Variants in CPEB2 observed in about 807,000 individuals in gnomAD.
CPEB2 encodes cytoplasmic polyadenylation element-binding protein 2.
In CPEB2, 56 loss-of-function variants were observed where a neutral mutation model predicts 93.6. The observed-to-expected ratio is 0.60, with a 90% CI of 0.48 to 0.75. CPEB2 has a LOEUF of 0.75. Ranked by LOEUF, CPEB2 falls within the 30% of genes least tolerant of loss-of-function variation. The probability of loss-of-function intolerance (pLI) is 0.00; values close to 1 mark genes in which losing one functional copy is unlikely to be tolerated. For synonymous variants in CPEB2, 764 were observed against 586.3 expected (o/e 1.30, Z -4.38); for missense variants, 1,579 against 1,395.1 (o/e 1.13, Z -2.10).
At chr4:15,009,541 G>C (rs561202624) in intron 3 of CPEB2, among the ~76,000 whole-genome samples, 2 of 152,104 alleles carry the variant, frequency 1.3e-5, no homozygotes, top group Non-Finnish European at 1.5e-5. Context: ...CGTTTTTATG[G>C]TAGCATTTTT....
chr4:15,057,723 A>T (rs1224469243), intron 8 of CPEB2, among the ~76,000 whole-genome samples: 1 of 152,170 alleles, frequency 6.6e-6, no homozygotes, highest in African/African-American at 2.4e-5. Context: ...AGTTTGAAAA[A>T]TGTATTCCAC....
Position 15,068,187 on chromosome 4 carries a change from G to A in CPEB2, c.*1807G>A, listed in dbSNP as rs1298451984. 6 of 152,290 alleles carry A rather than the reference G, an allele frequency of 3.9e-5. No homozygotes were observed. Among genetic ancestry groups the A allele is most frequent in the Non-Finnish European group, 8.8e-5 (6 of 67,872 alleles). The allele number at this position is 152,290 out of a possible 1,614,324, so 9.4% of individuals were successfully genotyped here. A position where few individuals can be genotyped will look rare whatever the true frequency, so the allele number is the denominator to read the frequency against. On this transcript the variant is annotated 3_prime_UTR_variant, in exon 12 of 12. Coordinates refer to ENST00000538197, the MANE Select transcript of CPEB2 (RefSeq NM_001177382.2). Reference sequence around the variant, plus strand: ...ACCCTTGGGACAATCCTTCATGTGAGCAAAGTGTTGATCTTAATATTGGTT... The same window carrying A: ...ACCCTTGGGACAATCCTTCATGTGAACAAAGTGTTGATCTTAATATTGGTT...
rs1722374844 is a variant in CPEB2, at chr4:15,003,843, G to A, written c.1170G>A (p.Pro390=). 6.8e-6 allele frequency: 6 copies of A among 881,790 alleles called. No individual in the cohort carries two copies. The highest frequency in any genetic ancestry group is 3.4e-5 in the Admixed American group (1 of 29,648). 54.6% of individuals were successfully genotyped at this position (881,790 alleles called of 1,614,324 possible). ...GTPWSVQTAS[P]PPQPQQPPPT... is the part of the protein sequence containing the mutation. ...CCTGGTCGGTGCAGACCGCGTCGCC[G>A]CCACCCCAGCCCCAGCAGCCGCCGC... Residue 390 remains proline, a synonymous_variant, in exon 1 of 12, where the codon CCG becomes CCA. Coordinates refer to ENST00000538197, the MANE Select transcript of CPEB2 (RefSeq NM_001177382.2).
At chr4:15,005,976 T>C (rs1722762414) in intron 1 of CPEB2, among the ~76,000 whole-genome samples, 1 of 152,184 alleles carries the variant, frequency 6.6e-6, no homozygotes, top group African/African-American at 2.4e-5. Context: ...GAAGAACATA[T>C]ACCATGATCC....
At chr4:15,024,467 G>A (rs1371986043) in intron 4 of CPEB2, among the ~76,000 whole-genome samples, 1 of 152,028 alleles carries the variant, frequency 6.6e-6, no homozygotes, top group Admixed American at 6.5e-5. Flanking sequence ...TTTAAGTGTG[G>A]CATCATTCTG....
At chr4:15,024,531 T>C (rs2109008426) in intron 4 of CPEB2, among the ~76,000 whole-genome samples, 1 of 152,214 alleles carries the variant, frequency 6.6e-6, no homozygotes, top group Non-Finnish European at 1.5e-5. Flanking sequence ...TTTTTGTTGT[T>C]TTTCTTTCTG....
chr4:15,056,545 T>G (rs924148053), intron 8 of CPEB2, among the ~76,000 whole-genome samples: 7 of 152,354 alleles, frequency 4.6e-5, no homozygotes, highest in Admixed American at 3.9e-4. Context: ...ATCATAGTTT[T>G]TTTGGTACAA....
chr4:15,009,207 A>G (rs185656291), intron 3 of CPEB2, among the ~76,000 whole-genome samples: 2 of 152,238 alleles, frequency 1.3e-5, no homozygotes, highest in East Asian at 1.9e-4. Flanking sequence ...TGTGTGTGTT[A>G]TATGAATGGA....
At chr4:15,040,291 C>A (rs1219267026) in intron 5 of CPEB2, among the ~76,000 whole-genome samples, 173 bp from the exon 6 acceptor site, 2 of 151,976 alleles carry the variant, frequency 1.3e-5, no homozygotes, top group African/African-American at 4.8e-5. Context: ...AATAAAAGTC[C>A]TTTGTAGAAT....
Position 15,003,637 on chromosome 4 carries a change from C to G in CPEB2, c.964C>G (p.Leu322Val). The change falls in exon 1 of 12, where the codon CTC becomes GTC. Residue 322 changes from leucine to valine, a missense_variant. Around this residue, in one of 2 missense-constraint regions of CPEB2, gnomAD observed 1,411 missense variants for 1,056.0 expected, o/e 1.34. Coordinates refer to ENST00000538197, the MANE Select transcript of CPEB2 (RefSeq NM_001177382.2). ...GSMESPNHPL[L>V]NSPSNLLPGG... ...CATGGAGTCCCCCAACCACCCTCTG[C>G]TCAACAGTCCCAGTAACCTCCTGCC... The G allele has an allele frequency of 6.7e-7, 1 of 1,482,076 alleles. No homozygotes were observed. Among genetic ancestry groups the G allele is most frequent in the Non-Finnish European group, 8.9e-7 (1 of 1,120,736 alleles). The allele number at this position is 1,482,076 out of a possible 1,614,324, so 91.8% of individuals were successfully genotyped here. A position where few individuals can be genotyped will look rare whatever the true frequency, so the allele number is the denominator to read the frequency against.
In CPEB2 at chr4:15,003,907, C is replaced by A; in HGVS notation, c.1234C>A (p.Pro412Thr). The change falls in exon 1 of 12, where the codon CCG becomes ACG. Residue 412 changes from proline to threonine, a missense_variant. This residue lies in a region of CPEB2 where 1,411 missense variants were observed against 1,056.0 expected (regional missense o/e 1.34). Transcript: ENST00000538197. ...GCAGCAGCCGCCGCCACCCCAGCAG[C>A]CGCCCCAGCCGCAGCCGCAGCCGCC... ...PQQQPPPPQQ[P>T]PQPQPQPPGS... 1.0e-6 allele frequency: 1 copy of A among 963,514 alleles called. No homozygotes were observed. Among genetic ancestry groups the A allele is most frequent in the Non-Finnish European group, 1.3e-6 (1 of 742,704 alleles). 59.7% of individuals were successfully genotyped at this position (963,514 alleles called of 1,614,324 possible).
rs1722265632 is a variant in CPEB2 at position 15,003,396 on chromosome 4, G to A, written c.723G>A (p.Gln241=). ...CGCAGCAGTTCAGCCTCCTGCATCA[G>A]CAGCACCTCTCGCCGCAGGACTTCG... ...QPPQQFSLLH[Q]QHLSPQDFAP... is the part of the protein sequence containing the mutation. The change falls in exon 1 of 12, where the codon CAG becomes CAA. Residue 241 remains glutamine (Q), a synonymous_variant. Transcript: ENST00000538197. The A allele has an allele frequency of 1.5e-6, 2 of 1,370,560 alleles. No individual in the cohort carries two copies. The highest frequency in any genetic ancestry group is 1.5e-5 in the African/African-American group (1 of 65,280). 84.9% of individuals were successfully genotyped at this position (1,370,560 alleles called of 1,614,324 possible).
chr4:15,014,484 G>A (rs1455887163), intron 3 of CPEB2, among the ~76,000 whole-genome samples: 3 of 151,876 alleles, frequency 2.0e-5, no homozygotes, highest in African/African-American at 7.2e-5. Context: ...CAGTATTGTG[G>A]TACTTAATCT....
intron 6 of CPEB2, among the ~76,000 whole-genome samples, chr4:15,044,179 G>C (rs888701336): frequency 6.6e-6 from 1 of 152,154 alleles, no homozygotes; most frequent in African/African-American, 2.4e-5. Context: ...ACCATGGCCC[G>C]CAGGCCAAGG....
intron 5 of CPEB2, among the ~76,000 whole-genome samples, chr4:15,039,359 T>C (rs893610852): frequency 6.6e-6 from 1 of 152,212 alleles, no homozygotes; most frequent in Non-Finnish European, 1.5e-5. Flanking sequence ...TATTTCATAA[T>C]GTGAAATGTT....
At chr4:15,057,540 A>T (rs1728829096) in intron 8 of CPEB2, among the ~76,000 whole-genome samples, 1 of 152,296 alleles carries the variant, frequency 6.6e-6, no homozygotes, top group Middle Eastern at 3.4e-3. Flanking sequence ...TGCCAAGGTA[A>T]TGGATAGATC....
intron 6 of CPEB2, among the ~76,000 whole-genome samples, chr4:15,046,597 C>G (rs543386706): frequency 6.6e-6 from 1 of 152,254 alleles, no homozygotes; most frequent in African/African-American, 2.4e-5. Flanking sequence ...TTTGCAGTTT[C>G]CTGATGACTA....
chr4:15,059,800 A>C (rs1380660088), intron 10 of CPEB2, among the ~76,000 whole-genome samples: 1 of 152,162 alleles, frequency 6.6e-6, no homozygotes, highest in Non-Finnish European at 1.5e-5. Flanking sequence ...ATAATTGTAG[A>C]TGTATATGCC....
Position 15,069,979 on chromosome 4 carries a change from A to C in CPEB2, c.*3599A>C, listed in dbSNP as rs1447313500. On this transcript the variant is annotated 3_prime_UTR_variant, in exon 12 of 12. Transcript: ENST00000538197. ...CACCTTCAGCTTAAATTTTTCGTTA[A>C]ATATTTTAGTTTATTTTATTGTTAT... The C allele has an allele frequency of 6.6e-6, 1 of 152,080 alleles. No homozygotes were observed. The highest frequency in any genetic ancestry group is 2.4e-5 in the African/African-American group (1 of 41,386). 9.4% of individuals were successfully genotyped at this position (152,080 alleles called of 1,614,324 possible).
Sources: gnomAD v4.1 joint callset for allele counts (sites outside exome capture counted in the v4.1 genomes callset) on GRCh38, gnomAD v4.1.1 for gene constraint, gnomAD v4.1.1 regional missense constraint, MANE v1.5 for transcripts, NCBI Gene and HGNC (gene_info 2026-07-23, HGNC 2026-07-21) for gene names.